The following ADAMTS3 variants were observed in gnomAD, a reference collection of about 807,000 sequenced individuals.
ADAMTS3 encodes ADAM metallopeptidase with thrombospondin type 1 motif 3.
Under a neutral mutation model 129.0 loss-of-function variants are expected in ADAMTS3, and 73 were observed. That is an observed-to-expected ratio of 0.57 (90% CI 0.47 to 0.69). The LOEUF (loss-of-function observed/expected upper bound fraction) is 0.69. ADAMTS3 is among the 30% of genes least tolerant of loss of function. The pLI is 0.00. For synonymous variants in ADAMTS3, 477 were observed against 510.8 expected, an observed-to-expected ratio of 0.93 and a Z score of 0.89; for missense variants, 1,457 against 1,514.5, an observed-to-expected ratio of 0.96 and a Z score of 0.63.
chr4:72,338,701 A>G (rs1056880724), intron 5 of ADAMTS3, among the ~76,000 whole-genome samples: 1 of 152,110 alleles, frequency 6.6e-6, no homozygotes, highest in African/African-American at 2.4e-5. Flanking sequence ...GGCTTAGGTA[A>G]TAAATTTGCA....
Position 72,406,936 on chromosome 4 carries a change from G to A in ADAMTS3, c.661+7879C>T, listed in dbSNP as rs77206562. Among the ~76,000 whole-genome samples the A allele has an allele frequency of 9.9e-4, 150 of 152,222 alleles. 2 individuals are homozygous for A. The East Asian group carries it at 0.028, about 28-fold the overall frequency. The stretch of plus-strand genomic sequence containing the variant: ...TTTAAGAGGAAGGGTGCTGGTGAGT[G>A]ACAAAATGATACCCTGCAGAGAACT... On this transcript the variant is annotated intron_variant, in intron 4 of 21. Coordinates refer to ENST00000286657, the MANE Select transcript of ADAMTS3 (RefSeq NM_014243.3).
chr4:72,336,682 G>C (rs574459738), intron 5 of ADAMTS3, among the ~76,000 whole-genome samples: 2 of 152,264 alleles, frequency 1.3e-5, no homozygotes, highest in Non-Finnish European at 2.9e-5. Flanking sequence ...GAGTGATGAG[G>C]GTTGGGAATA....
intron 3 of ADAMTS3, among the ~76,000 whole-genome samples, chr4:72,442,561 A>G (rs1578683282): frequency 6.6e-6 from 1 of 151,730 alleles, no homozygotes; most frequent in East Asian, 2.0e-4. Context: ...AAGCCATTCA[A>G]GAAGGGTCCA....
chr4:72,562,162 C>G (rs919416612), intron 2 of ADAMTS3, among the ~76,000 whole-genome samples: 1 of 152,058 alleles, frequency 6.6e-6, no homozygotes, highest in Non-Finnish European at 1.5e-5. Flanking sequence ...TACGAATTCG[C>G]TGCATCTTTC....
In ADAMTS3 at chr4:72,521,512, T is replaced by C. The variant is rs538288733; in HGVS notation, c.504+26966A>G. ...GTTGTTTCTAGGATTAAAAAACATA[T>C]AAAGTATTTAGCATATTGTGTAGAA... is the stretch of plus-strand genomic sequence containing the variant. On this transcript the variant is annotated intron_variant, in intron 3 of 21. Coordinates refer to ENST00000286657, the MANE Select transcript of ADAMTS3 (RefSeq NM_014243.3). Among the ~76,000 whole-genome samples, 13 of 152,302 alleles carry C rather than the reference T, an allele frequency of 8.5e-5. No individual in the cohort carries two copies. In the South Asian group the frequency reaches 2.5e-3, roughly 29 times the overall value.
At chr4:72,432,957 T>A (rs1166734284) in intron 3 of ADAMTS3, among the ~76,000 whole-genome samples, 1 of 152,082 alleles carries the variant, frequency 6.6e-6, no homozygotes, top group East Asian at 1.9e-4. Flanking sequence ...TGGAACAGCA[T>A]CCACCTAAGC....
chr4:72,350,169 C>T (rs1720395413), intron 4 of ADAMTS3, among the ~76,000 whole-genome samples: 1 of 151,890 alleles, frequency 6.6e-6, no homozygotes, highest in Admixed American at 6.6e-5. Flanking sequence ...CACTTATTTG[C>T]CAATATAAAA....
At chr4:72,452,924 A>G (rs1718444684) in intron 3 of ADAMTS3, among the ~76,000 whole-genome samples, 1 of 151,788 alleles carries the variant, frequency 6.6e-6, no homozygotes, top group Non-Finnish European at 1.5e-5. Flanking sequence ...AGAACACTAA[A>G]CAAGAAGAAT....
intron 3 of ADAMTS3, among the ~76,000 whole-genome samples, chr4:72,417,869 C>T (rs1200450346): frequency 6.0e-5 from 8 of 133,854 alleles, no homozygotes; most frequent in Non-Finnish European, 1.2e-4. Context: ...GGAGGCGGAG[C>T]TTGCAGTGAG....
chr4:72,346,714 A>T (rs1435182525), intron 4 of ADAMTS3, among the ~76,000 whole-genome samples: 1 of 152,096 alleles, frequency 6.6e-6, no homozygotes, highest in Non-Finnish European at 1.5e-5. Flanking sequence ...AATACTAAAA[A>T]CCTACTCGTT....
chr4:72,418,966 C>A (rs1053846611), intron 3 of ADAMTS3, among the ~76,000 whole-genome samples: 5 of 152,158 alleles, frequency 3.3e-5, no homozygotes, highest in African/African-American at 1.2e-4. Flanking sequence ...GTCCTTATAA[C>A]ATCAGGTCTT....
At chr4:72,542,175 T>TC (rs1230061578) in intron 3 of ADAMTS3, among the ~76,000 whole-genome samples, 1 of 19,250 alleles carries the variant, frequency 5.2e-5, no homozygotes, top group Non-Finnish European at 1.0e-4. Context: ...TTTTGTTTTC[T>TC]TTGTTTTGAG....
intron 4 of ADAMTS3, among the ~76,000 whole-genome samples, chr4:72,389,520 TG>T (rs1424212652): frequency 2.7e-5 from 4 of 146,440 alleles, no homozygotes; most frequent in Non-Finnish European, 6.0e-5. Flanking sequence ...AATTAAAAGA[TG>T]AAAAAAACAA....
In ADAMTS3 at chr4:72,327,324, TATTAA is replaced by T. The variant is rs542697908; in HGVS notation, c.862-4232_862-4228del. Among the ~76,000 whole-genome samples, 29 of 152,260 alleles carry T rather than the reference TATTAA, an allele frequency of 1.9e-4. No homozygotes were observed. The South Asian group carries it at 4.8e-3, about 25-fold the overall frequency. On this transcript the variant is annotated intron_variant, in intron 5 of 21. Transcript: ENST00000286657. Reference sequence around the variant, plus strand: ...TTAATAATTCTAAATAATTCTTATTTATTAAGAAAGTAATTTTACAACTTTTAGTG... The same window carrying T: ...TTAATAATTCTAAATAATTCTTATTTGAAAGTAATTTTACAACTTTTAGTG...
intron 19 of ADAMTS3, among the ~76,000 whole-genome samples, chr4:72,291,520 G>A (rs796069388): frequency 4.6e-5 from 7 of 150,770 alleles, no homozygotes; most frequent in South Asian, 2.1e-4. Context: ...TTGTCCTTGC[G>A]ATAGTTTACT....
intron 4 of ADAMTS3, among the ~76,000 whole-genome samples, chr4:72,352,359 A>G (rs184782881): frequency 6.6e-6 from 1 of 152,136 alleles, no homozygotes; most frequent in Admixed American, 6.6e-5. Context: ...CAATTCATTC[A>G]GTGGTTTTAA....
At chr4:72,546,722 A>G (rs72854303) in intron 3 of ADAMTS3, among the ~76,000 whole-genome samples, 2,471 of 152,318 alleles carry the variant, frequency 0.016, 81 homozygotes, top group African/African-American at 0.056. Context: ...ATTGTAGACC[A>G]CAAAATATGA....
At chr4:72,444,520 G>T (rs1353386676) in intron 3 of ADAMTS3, among the ~76,000 whole-genome samples, 3 of 151,746 alleles carry the variant, frequency 2.0e-5, no homozygotes, top group Non-Finnish European at 4.4e-5. Flanking sequence ...GGATTTATGT[G>T]TATGTACATT....
chr4:72,518,553 A>G (rs1289636757), intron 3 of ADAMTS3, among the ~76,000 whole-genome samples: 6 of 151,986 alleles, frequency 3.9e-5, no homozygotes, highest in Admixed American at 3.9e-4. Flanking sequence ...TAGGATAGTT[A>G]GCTCTTCTTG....
Sources: allele counts gnomAD v4.1 joint callset (sites outside exome capture counted in the v4.1 genomes callset), GRCh38; gene constraint gnomAD v4.1.1; transcripts MANE v1.5; gene names NCBI Gene and HGNC (gene_info 2026-07-23, HGNC 2026-07-21).